Variants in ALLC observed in about 807,000 individuals in gnomAD.
ALLC encodes the protein allantoicase.
In ALLC, 40 loss-of-function variants were observed where a neutral mutation model predicts 45.0. The observed-to-expected ratio is 0.89, with a 90% CI of 0.69 to 1.16. The LOEUF (loss-of-function observed/expected upper bound fraction) is 1.16, where lower values mean the gene tolerates loss of function less well. Ranked by LOEUF, ALLC falls within the 50% of genes most tolerant of loss-of-function variation. ALLC has a pLI of 0.00. For missense variants in ALLC, 488 were observed against 493.1 expected (o/e 0.99, Z 0.10); for synonymous variants, 176 against 178.1 (o/e 0.99, Z 0.09).
intron 7 of ALLC, among the ~76,000 whole-genome samples, chr2:3,691,745 A>C (rs1667523657): frequency 6.6e-6 from 1 of 152,144 alleles, no homozygotes; most frequent in Non-Finnish European, 1.5e-5. Flanking sequence ...CAACACCAAT[A>C]ATTCTTAGAT....
intron 1 of ALLC, among the ~76,000 whole-genome samples, chr2:3,665,384 A>C (rs763849962): frequency 6.6e-6 from 1 of 152,014 alleles, no homozygotes; most frequent in African/African-American, 2.4e-5. Flanking sequence ...AACGTGTGCC[A>C]TGGTGGTTTG....
chr2:3,693,841 A>G (rs939684097), intron 7 of ALLC, among the ~76,000 whole-genome samples: 1 of 152,152 alleles, frequency 6.6e-6, no homozygotes, highest in African/African-American at 2.4e-5. Context: ...TACAAAAATT[A>G]GCCAGGTGTG....
chr2:3,681,665 C>T lies in ALLC; in HGVS notation c.330C>T (p.Thr110=), dbSNP rs201013674. 1 of 1,610,906 alleles carries T rather than the reference C, an allele frequency of 6.2e-7. No homozygotes were observed. The highest frequency in any genetic ancestry group is 8.5e-7 in the Non-Finnish European group (1 of 1,178,464). ...TACCAGAAATCCCAGAAAGAGGAAC[C>T]AGGACAGGAGCTGCAGCCACTCCTG... ...DKLPEIPERG[T]RTGAAATPEE... is the part of the protein sequence containing the mutation. Residue 110 remains threonine, a synonymous_variant, in exon 6 of 12, where the codon ACC becomes ACT. Transcript: ENST00000252505.
At chr2:3,663,692 A>G (rs962743507) in intron 1 of ALLC, among the ~76,000 whole-genome samples, 1 of 152,192 alleles carries the variant, frequency 6.6e-6, no homozygotes, top group Non-Finnish European at 1.5e-5. Context: ...AGGGTTTCCT[A>G]TGTTGATGAA....
In ALLC at chr2:3,670,972, A is replaced by G. The variant is rs140543052; in HGVS notation, c.-62-124A>G. On this transcript the variant is annotated intron_variant, in intron 1 of 11. Transcript: ENST00000252505. ...AGGGCACCTGTCAGGTACAGTTGAC[A>G]GTACATCCAGTTCTGTCACTGCCTG... 3,128 of 618,436 alleles carry G rather than the reference A, an allele frequency of 5.1e-3. 88 individuals are homozygous for G. In the African/African-American group the frequency reaches 0.052, roughly 10 times the overall value. 38.3% of individuals were successfully genotyped at this position (618,436 alleles called of 1,614,324 possible). A position where few individuals can be genotyped will look rare whatever the true frequency, so the allele number is the denominator to read the frequency against.
In ALLC at chr2:3,679,903, A is replaced by G. The variant is rs531961261; in HGVS notation, c.207A>G (p.Gln69=). ...GGTGTGTCCTCAGGCTGGGGATCCAAGGAGTCATCCGGGGCTTCGACGTGG... is the reference window on the plus strand; with the variant it reads ...GGTGTGTCCTCAGGCTGGGGATCCAGGGAGTCATCCGGGGCTTCGACGTGG... ...HDWCVLRLGI[Q]GVIRGFDVDV... is the part of the protein sequence containing the mutation. Residue 69 remains glutamine (Q), a synonymous_variant, in exon 5 of 12, where the codon CAA becomes CAG. Coordinates refer to ENST00000252505, the MANE Select transcript of ALLC (RefSeq NM_018436.4). 1.6e-5 allele frequency: 26 copies of G among 1,613,980 alleles called. No individual in the cohort carries two copies. In the East Asian group the frequency reaches 3.1e-4, roughly 19 times the overall value.
intron 6 of ALLC, among the ~76,000 whole-genome samples, 162 bp from the exon 7 acceptor site, chr2:3,682,780 C>T (rs1667226108): frequency 6.6e-6 from 1 of 152,234 alleles, no homozygotes; most frequent in South Asian, 2.1e-4. Context: ...CCGCCTCGGC[C>T]TCCCAAGGTG....
upstream of ALLC, among the ~76,000 whole-genome samples, chr2:3,653,874 C>A (rs13417612): frequency 0.055 from 8,388 of 152,258 alleles, 579 homozygotes; most frequent in African/African-American, 0.16. This position sits in a 1 kb window ranked among gnomAD's most constrained non-coding sequence, Gnocchi z 4.1. Context: ...CATCCCTCAT[C>A]CCCCATCAGG....
chr2:3,694,794 TA>T (rs1667617423), intron 7 of ALLC: 1 of 152,244 alleles, frequency 6.6e-6, no homozygotes, highest in African/African-American at 2.4e-5. Flanking sequence ...AATAAAAACA[TA>T]TAGGGCATGT....
chr2:3,648,377 C>T, the ALLC span, among the ~76,000 whole-genome samples: 171 of 152,226 alleles, frequency 1.1e-3, 2 homozygotes, highest in Non-Finnish European at 1.1e-3. Flanking sequence ...CAAGACGCTC[C>T]TGACACTGGC....
At chr2:3,696,443 C>A in intron 9 of ALLC, 95 bp downstream of exon 9, 1 of 984,096 alleles carries the variant, frequency 1.0e-6, no homozygotes, top group South Asian at 1.6e-5. Context: ...TTTTAGAAAC[C>A]TCATATGCAT....
At chr2:3,654,944 T>C (rs1272658600), upstream of ALLC, among the ~76,000 whole-genome samples, 1 of 152,222 alleles carries the variant, frequency 6.6e-6, no homozygotes, top group Admixed American at 6.5e-5. Flanking sequence ...AATTAGAGGC[T>C]TAAAGCAGCA....
intron 7 of ALLC, among the ~76,000 whole-genome samples, chr2:3,684,465 G>A (rs1294460521): frequency 6.6e-6 from 1 of 152,090 alleles, no homozygotes; most frequent in Non-Finnish European, 1.5e-5. Flanking sequence ...GTGGTGTTTG[G>A]TTACATGGAT....
chr2:3,657,911 C>T (rs1403440890), upstream of ALLC, among the ~76,000 whole-genome samples: 1 of 152,170 alleles, frequency 6.6e-6, no homozygotes, highest in Non-Finnish European at 1.5e-5. Flanking sequence ...GAATAGGTGA[C>T]GTCTAGAGAT....
chr2:3,651,826 G>A, the ALLC span, among the ~76,000 whole-genome samples: 1 of 152,012 alleles, frequency 6.6e-6, no homozygotes, highest in African/African-American at 2.4e-5. Flanking sequence ...CTATTCATCC[G>A]GATGCTCCTC....
chr2:3,659,673 C>T (rs1024928284), intron 1 of ALLC, among the ~76,000 whole-genome samples: 5 of 152,194 alleles, frequency 3.3e-5, no homozygotes, highest in Non-Finnish European at 5.9e-5. Flanking sequence ...CGGCAGGGAC[C>T]AGTGAGCAGA....
chr2:3,698,211 C>T (rs978125094), intron 10 of ALLC, among the ~76,000 whole-genome samples: 4 of 152,162 alleles, frequency 2.6e-5, no homozygotes, highest in Admixed American at 6.5e-5. Context: ...GTGATACGCC[C>T]GTCTCGGCCT....
intron 7 of ALLC, among the ~76,000 whole-genome samples, chr2:3,690,868 A>G (rs772718819): frequency 6.6e-6 from 1 of 152,060 alleles, no homozygotes; most frequent in Non-Finnish European, 1.5e-5. Context: ...CTATAATTAC[A>G]GTGTTGGAGT....
chr2:3,671,089 C>A lies in ALLC; in HGVS notation c.-62-7C>A. On this transcript the variant is annotated splice_region_variant and splice_polypyrimidine_tract_variant and intron_variant, in intron 1 of 11. Coordinates refer to ENST00000252505, the MANE Select transcript of ALLC (RefSeq NM_018436.4). ...CAAGGTTGACCGAGCTGCCCTCTCC[C>A]TTCCAGGAAGCACGGCTGATGCTCC... The A allele has an allele frequency of 1.3e-6, 2 of 1,570,370 alleles. No individual in the cohort carries two copies. The highest frequency in any genetic ancestry group is 1.2e-5 in the South Asian group (1 of 85,796).
Sources: allele counts gnomAD v4.1 joint callset (sites outside exome capture counted in the v4.1 genomes callset), GRCh38; gene constraint gnomAD v4.1.1; non-coding constraint Gnocchi (gnomAD v3.1); transcripts MANE v1.5; gene names NCBI Gene and HGNC (gene_info 2026-07-23, HGNC 2026-07-21).